YY1: variants seen among roughly 807,000 people sequenced by gnomAD.
The protein encoded by YY1 is transcriptional repressor protein YY1.
A neutral mutation model predicts 35.6 loss-of-function variants in YY1; 2 were observed. The ratio of observed to expected loss-of-function variants is 0.06; its 90% CI spans 0.02 to 0.18. YY1 has a LOEUF of 0.18. Ranked by LOEUF, YY1 falls within the 10% of genes least tolerant of loss-of-function variation. YY1 has a pLI of 1.00. For synonymous variants in YY1, 268 were observed against 238.9 expected (o/e 1.12, Z -1.12); for missense variants, 322 against 573.4 (o/e 0.56, Z 4.48).
At chr14:100,243,591 G>C (rs1386968272) in intron 1 of YY1, among the ~76,000 whole-genome samples, 1 of 151,976 alleles carries the variant, frequency 6.6e-6, no homozygotes, top group Non-Finnish European at 1.5e-5. Context: ...CCAGGAGTTC[G>C]AGATGAACCT....
At chr14:100,245,693 A>T (rs932930500) in intron 1 of YY1, among the ~76,000 whole-genome samples, 7 of 151,070 alleles carry the variant, frequency 4.6e-5, no homozygotes, top group Admixed American at 2.6e-4. Context: ...TGCAAGCTCC[A>T]CCTCCCGGGT....
At chr14:100,264,689 T>C (rs775480610) in intron 2 of YY1, among the ~76,000 whole-genome samples, 3 of 152,160 alleles carry the variant, frequency 2.0e-5, no homozygotes, top group Non-Finnish European at 4.4e-5. Context: ...GAGAAGTCCT[T>C]TGCAGCTGTC....
intron 1 of YY1, among the ~76,000 whole-genome samples, chr14:100,254,774 TA>T (rs1205631727): frequency 2.6e-5 from 3 of 117,450 alleles, no homozygotes; most frequent in African/African-American, 6.5e-5. Flanking sequence ...TTTATTTATT[TA>T]TTTTTTTTTT....
intron 2 of YY1, 115 bp downstream of exon 2, chr14:100,262,581 T>A (rs1252903665): frequency 4.3e-6 from 5 of 1,163,882 alleles, no homozygotes; most frequent in African/African-American, 3.1e-5. Context: ...CTAGGGAAAT[T>A]CCTGAAAACA....
At chr14:100,246,932 AGC>A (rs1890841903) in intron 1 of YY1, among the ~76,000 whole-genome samples, 1 of 152,196 alleles carries the variant, frequency 6.6e-6, no homozygotes, top group South Asian at 2.1e-4. Context: ...TGAAAGGTTT[AGC>A]TTCCTAATAA....
Position 100,282,443 on chromosome 14 carries a change from T to G in YY1, c.*4843T>G, listed in dbSNP as rs1195778141. On this transcript the variant is annotated 3_prime_UTR_variant, in exon 5 of 5. Coordinates refer to ENST00000262238, the MANE Select transcript of YY1 (RefSeq NM_003403.5). ...ATCAGTACCAAACGGAACAACCTCT[T>G]TTTTCTACATTGTCCATACCCGGAC... 2.6e-5 allele frequency: 4 copies of G among 152,076 alleles called. No homozygotes were observed. Among genetic ancestry groups the G allele is most frequent in the Non-Finnish European group, 5.9e-5 (4 of 68,034 alleles). The allele number at this position is 152,076 out of a possible 1,614,324, so 9.4% of individuals were successfully genotyped here.
chr14:100,271,400 T>G (rs1891236883), intron 2 of YY1, among the ~76,000 whole-genome samples: 1 of 152,198 alleles, frequency 6.6e-6, no homozygotes, highest in Non-Finnish European at 1.5e-5. Flanking sequence ...TTTTGTGAAC[T>G]CAGGCCAGAA....
At chr14:100,271,203 C>T (rs1258043816) in intron 2 of YY1, among the ~76,000 whole-genome samples, 3 of 151,868 alleles carry the variant, frequency 2.0e-5, no homozygotes, top group South Asian at 2.1e-4. Flanking sequence ...GCTGAGATTG[C>T]GCCACTGCAC....
At chr14:100,274,101 C>T (rs1431576985) in intron 2 of YY1, among the ~76,000 whole-genome samples, 1 of 152,098 alleles carries the variant, frequency 6.6e-6, no homozygotes, top group African/African-American at 2.4e-5. Flanking sequence ...TGTCGTGTGT[C>T]CTTCCAGAGA....
chr14:100,249,760 G>GTTTTTTTTT (rs34925666), intron 1 of YY1, among the ~76,000 whole-genome samples: 7 of 143,008 alleles, frequency 4.9e-5, no homozygotes, highest in African/African-American at 1.9e-4. Context: ...TTTTTTTTTT[G>GTTTTTTTTT]TTTGTTTTTG....
At chr14:100,267,128 AAAAG>A (rs1891166875) in intron 2 of YY1, among the ~76,000 whole-genome samples, 2 of 152,196 alleles carry the variant, frequency 1.3e-5, no homozygotes, top group African/African-American at 2.4e-5. Flanking sequence ...CTGAAAAAGA[AAAAG>A]AAAAGGCAAT....
Position 100,239,470 on chromosome 14 carries a change from C to T in YY1, c.226C>T (p.His76Tyr). Reference protein sequence around the residue: ...GHAGHHHHHHHHHHHPPMIAL... With the variant: ...GHAGHHHHHHYHHHHPPMIAL... The stretch of plus-strand genomic sequence containing the variant: ...CGCCGGCCACCACCACCACCACCAT[C>T]ACCACCACCACCACCCGCCCATGAT... Residue 76 changes from histidine (H) to tyrosine (Y), a missense_variant, in exon 1 of 5, where the codon CAC becomes TAC. By Grantham distance (83) the His-to-Tyr change is moderately conservative. Transcript: ENST00000262238. 6.3e-7 allele frequency: 1 copy of T among 1,584,540 alleles called. No homozygotes were observed. Among genetic ancestry groups the T allele is most frequent in the African/African-American group, 1.4e-5 (1 of 73,688 alleles).
chr14:100,252,633 C>T (rs973865390), intron 1 of YY1, among the ~76,000 whole-genome samples: 1 of 152,214 alleles, frequency 6.6e-6, no homozygotes, highest in Non-Finnish European at 1.5e-5. Flanking sequence ...GAATCAATGA[C>T]TGTATTCTCA....
Position 100,278,408 on chromosome 14 carries a change from A to G in YY1, c.*808A>G, listed in dbSNP as rs1371377479. 2 of 152,656 alleles carry G rather than the reference A, an allele frequency of 1.3e-5. No homozygotes were observed. 9.5% of individuals were successfully genotyped at this position (152,656 alleles called of 1,614,324 possible). Reference sequence around the variant, plus strand: ...GTTGTAGAATGTATTGTACCTTTTAACACCTGATGTGTACATCCCATGTAA... The same window carrying G: ...GTTGTAGAATGTATTGTACCTTTTAGCACCTGATGTGTACATCCCATGTAA... On this transcript the variant is annotated 3_prime_UTR_variant, in exon 5 of 5. Coordinates refer to ENST00000262238, the MANE Select transcript of YY1 (RefSeq NM_003403.5).
intron 1 of YY1, among the ~76,000 whole-genome samples, chr14:100,246,744 C>T (rs1373418318): frequency 1.3e-5 from 2 of 152,186 alleles, no homozygotes; most frequent in Non-Finnish European, 2.9e-5. Context: ...TGCCATTCCT[C>T]TGTGGGTTTT....
Position 100,239,673 on chromosome 14 carries a change from C to G in YY1, c.429C>G (p.Asp143Glu), listed in dbSNP as rs776893346. The G allele has an allele frequency of 3.7e-6, 6 of 1,608,098 alleles. No individual in the cohort carries two copies. The highest frequency in any genetic ancestry group is 1.6e-4 in the Middle Eastern group (1 of 6,078). Reference sequence around the variant, plus strand: ...TGCCCGCGCCGGCCGGCGGCGACGACGACTACATTGAACAAACGCTGGTCA... The same window carrying G: ...TGCCCGCGCCGGCCGGCGGCGACGAGGACTACATTGAACAAACGCTGGTCA... The part of the protein sequence containing the change: ...IPVPAPAGGD[D>E]DYIEQTLVTV... Residue 143 changes from aspartate (D) to glutamate (E), a missense_variant, in exon 1 of 5, where the codon GAC (aspartate) becomes GAG (glutamate). Physicochemically the swap from Asp to Glu is conservative, Grantham distance 45. Coordinates refer to ENST00000262238, the MANE Select transcript of YY1 (RefSeq NM_003403.5).
intron 2 of YY1, among the ~76,000 whole-genome samples, chr14:100,268,945 G>A (rs552654521): frequency 1.3e-5 from 2 of 152,338 alleles, no homozygotes; most frequent in African/African-American, 4.8e-5. Flanking sequence ...TTTACACAAT[G>A]CTCTGCTGAT....
rs746990203 is a variant in YY1, at chr14:100,279,527, C to T, written c.*1927C>T. 6.6e-6 allele frequency: 1 copy of T among 152,226 alleles called. No homozygotes were observed. The highest frequency in any genetic ancestry group is 1.5e-5 in the Non-Finnish European group (1 of 68,034). The allele number at this position is 152,226 out of a possible 1,614,324, so 9.4% of individuals were successfully genotyped here. On this transcript the variant is annotated 3_prime_UTR_variant, in exon 5 of 5. Transcript: ENST00000262238. ...GGTAGTTTGATGGAACTGAGTTAAG[C>T]AGAAGACCCCAGCTGTTTTCTGGGT... is the stretch of plus-strand genomic sequence containing the variant.
chr14:100,245,306 T>A (rs776907524), intron 1 of YY1, among the ~76,000 whole-genome samples: 2 of 152,184 alleles, frequency 1.3e-5, no homozygotes, highest in Non-Finnish European at 2.9e-5. Flanking sequence ...CATCTGGAGT[T>A]TTTTAGTTGT....
Sources: gnomAD v4.1 joint callset for allele counts (sites outside exome capture counted in the v4.1 genomes callset) on GRCh38, gnomAD v4.1.1 for gene constraint, MANE v1.5 for transcripts, NCBI Gene and HGNC (gene_info 2026-07-23, HGNC 2026-07-21) for gene names.